AGFG1: variants seen among roughly 807,000 people sequenced by gnomAD.
AGFG1 encodes ArfGAP with FG repeats 1, also known as arf-GAP domain and FG repeat-containing protein 1.
Under a neutral mutation model 60.6 loss-of-function variants are expected in AGFG1, and 10 were observed. The observed-to-expected ratio is 0.16, with a 90% CI of 0.10 to 0.28. AGFG1 has a LOEUF of 0.28. AGFG1 is among the 10% of genes least tolerant of loss of function. The pLI is 1.00. For missense variants in AGFG1, 537 were observed against 676.5 expected (o/e 0.79, Z 2.29); for synonymous variants, 247 against 242.9 (o/e 1.02, Z -0.16).
At position 227,536,894 on chromosome 2, in the gene AGFG1, T is replaced by G. The variant is rs1219588002; in HGVS notation, c.1286-7T>G. 1 of 1,609,650 alleles carries G rather than the reference T, an allele frequency of 6.2e-7. No individual in the cohort carries two copies. Among genetic ancestry groups the G allele is most frequent in the Non-Finnish European group, 8.5e-7 (1 of 1,178,022 alleles). The stretch of plus-strand genomic sequence containing the variant: ...GATTTTATAGTGTATTTTATAATTT[T>G]TTAAAGCTACGCCTTCCACAAATCC... On this transcript the variant is annotated splice_polypyrimidine_tract_variant and splice_region_variant and intron_variant, in intron 9 of 12. Coordinates refer to ENST00000310078, the MANE Select transcript of AGFG1 (RefSeq NM_004504.5).
intron 10 of AGFG1, among the ~76,000 whole-genome samples, chr2:227,547,973 G>A (rs1004755031): frequency 1.6e-4 from 24 of 152,102 alleles, no homozygotes; most frequent in African/African-American, 2.2e-4. Flanking sequence ...ACCAAATGTC[G>A]AATAGTCATA....
chr2:227,510,995 T>C (rs182314615), intron 2 of AGFG1: 14 of 152,358 alleles, frequency 9.2e-5, no homozygotes, highest in Admixed American at 7.8e-4. Context: ...TTGTACTTAG[T>C]AGTTACTTAG....
At chr2:227,497,804 G>A (rs2106178038) in intron 2 of AGFG1, among the ~76,000 whole-genome samples, 1 of 129,760 alleles carries the variant, frequency 7.7e-6, no homozygotes, top group South Asian at 2.5e-4. Context: ...GAGTGCAGTG[G>A]TGCAATCTTG....
chr2:227,537,187 T>G (rs1692339394), intron 10 of AGFG1, among the ~76,000 whole-genome samples, 194 bp downstream of exon 10: 1 of 152,212 alleles, frequency 6.6e-6, no homozygotes, highest in Non-Finnish European at 1.5e-5. Context: ...GAGAGGGACC[T>G]TAGAAATTAT....
At chr2:227,545,452 C>G (rs1222375245) in intron 10 of AGFG1, among the ~76,000 whole-genome samples, 1 of 152,218 alleles carries the variant, frequency 6.6e-6, no homozygotes, top group Non-Finnish European at 1.5e-5. Flanking sequence ...CTTCTCAAGC[C>G]TACTTCTGTC....
At chr2:227,507,602 C>CAAAAAAAAAAAAA (rs1162277041) in intron 2 of AGFG1, among the ~76,000 whole-genome samples, 1 of 61,600 alleles carries the variant, frequency 1.6e-5, no homozygotes, top group African/African-American at 5.8e-5. Context: ...GACTCTGTCT[C>CAAAAAAAAAAAAA]AAAAAAAAAA....
In AGFG1 at chr2:227,558,230, G is replaced by A. The variant is rs970466315; in HGVS notation, c.*3735G>A. ...AGCTAGTGGCAGCTTTTTGCTCTGG[G>A]GAACAGATTTGGATTAAATGCTATC... On this transcript the variant is annotated 3_prime_UTR_variant, in exon 13 of 13. Coordinates refer to ENST00000310078, the MANE Select transcript of AGFG1 (RefSeq NM_004504.5). 6.6e-6 allele frequency: 1 copy of A among 152,106 alleles called. No homozygotes were observed. The highest frequency in any genetic ancestry group is 1.5e-5 in the Non-Finnish European group (1 of 68,026). 9.4% of individuals were successfully genotyped at this position (152,106 alleles called of 1,614,324 possible). A position where few individuals can be genotyped will look rare whatever the true frequency, so the allele number is the denominator to read the frequency against.
At chr2:227,535,368 G>A (rs1216720299) in intron 8 of AGFG1, among the ~76,000 whole-genome samples, 1 of 152,130 alleles carries the variant, frequency 6.6e-6, no homozygotes, top group Non-Finnish European at 1.5e-5. Flanking sequence ...ATAGTTTTTA[G>A]TCATGATGAT....
Position 227,559,611 on chromosome 2 carries a change from G to C in AGFG1, c.*5116G>C, listed in dbSNP as rs1693079479. ...AAGTGATCCTAGATAAAATATTTTA[G>C]ATGGTGATTAAAATGCCCATAGATT... is the stretch of plus-strand genomic sequence containing the variant. On this transcript the variant is annotated 3_prime_UTR_variant, in exon 13 of 13. Transcript: ENST00000310078. 1 of 152,108 alleles carries C rather than the reference G, an allele frequency of 6.6e-6. No individual in the cohort carries two copies. Among genetic ancestry groups the C allele is most frequent in the Non-Finnish European group, 1.5e-5 (1 of 67,998 alleles). 9.4% of individuals were successfully genotyped at this position (152,108 alleles called of 1,614,324 possible).
intron 2 of AGFG1, among the ~76,000 whole-genome samples, chr2:227,512,745 T>A (rs1385501846): frequency 6.6e-6 from 1 of 152,232 alleles, no homozygotes; most frequent in Non-Finnish European, 1.5e-5. Flanking sequence ...AATTTTCAGT[T>A]TTTAAACTAT....
In AGFG1 at chr2:227,558,004, C is replaced by G. The variant is rs1455503473; in HGVS notation, c.*3509C>G. 1.3e-5 allele frequency: 2 copies of G among 152,226 alleles called. No homozygotes were observed. The highest frequency in any genetic ancestry group is 2.9e-5 in the Non-Finnish European group (2 of 68,046). 9.4% of individuals were successfully genotyped at this position (152,226 alleles called of 1,614,324 possible). ...GTATTTACTTGCAGGGCAAACATAACTATTCCCTGGGTTTTTTTTGTTTGC... is the reference window on the plus strand; with the variant it reads ...GTATTTACTTGCAGGGCAAACATAAGTATTCCCTGGGTTTTTTTTGTTTGC... On this transcript the variant is annotated 3_prime_UTR_variant, in exon 13 of 13. Transcript: ENST00000310078.
intron 2 of AGFG1, among the ~76,000 whole-genome samples, chr2:227,505,079 A>G (rs1691269962): frequency 2.0e-5 from 3 of 152,124 alleles, no homozygotes; most frequent in African/African-American, 4.8e-5. Flanking sequence ...TTTTTGCTGC[A>G]TGTATTTTGA....
chr2:227,517,088 TA>T (rs1691672421), intron 2 of AGFG1, among the ~76,000 whole-genome samples: 15 of 152,214 alleles, frequency 9.9e-5, no homozygotes, highest in Admixed American at 8.5e-4. Flanking sequence ...AGGTCTGTAG[TA>T]TTTCTGGCAG....
chr2:227,472,948 G>T (rs2106144529), intron 1 of AGFG1, among the ~76,000 whole-genome samples: 1 of 150,718 alleles, frequency 6.6e-6, no homozygotes, highest in East Asian at 2.0e-4. Context: ...TACCCGGGGC[G>T]CCGGGCTGTG....
intron 4 of AGFG1, among the ~76,000 whole-genome samples, chr2:227,524,448 C>G (rs1691924508): frequency 6.6e-6 from 1 of 152,184 alleles, no homozygotes; most frequent in African/African-American, 2.4e-5. Context: ...TAAAGTTTGT[C>G]TTCTACACTT....
At chr2:227,484,004 T>A (rs1340438514) in intron 1 of AGFG1, among the ~76,000 whole-genome samples, 1 of 152,164 alleles carries the variant, frequency 6.6e-6, no homozygotes, top group Non-Finnish European at 1.5e-5. Flanking sequence ...GCCATGTTGG[T>A]GTGCTGCACC....
chr2:227,495,770 A>G (rs1157215370), intron 2 of AGFG1, among the ~76,000 whole-genome samples: 1 of 151,996 alleles, frequency 6.6e-6, no homozygotes, highest in Non-Finnish European at 1.5e-5. Context: ...TTCTAGTTGT[A>G]AGTTAACCTT....
intron 1 of AGFG1, among the ~76,000 whole-genome samples, chr2:227,474,762 G>T (rs1339557686): frequency 6.6e-6 from 1 of 152,182 alleles, no homozygotes; most frequent in Non-Finnish European, 1.5e-5. Context: ...GAGAAATTCT[G>T]CTTCATATGT....
intron 2 of AGFG1, among the ~76,000 whole-genome samples, chr2:227,497,529 T>C (rs1054473341): frequency 1.3e-5 from 2 of 152,068 alleles, no homozygotes; most frequent in Non-Finnish European, 2.9e-5. Flanking sequence ...CATATGTATT[T>C]TAAACTGTTT....
Sources: allele counts gnomAD v4.1 joint callset (sites outside exome capture counted in the v4.1 genomes callset), GRCh38; gene constraint gnomAD v4.1.1; transcripts MANE v1.5; gene names NCBI Gene and HGNC (gene_info 2026-07-23, HGNC 2026-07-21).